PRDM16: variants seen among roughly 807,000 people sequenced by gnomAD.
PRDM16 encodes histone-lysine N-methyltransferase PRDM16.
A neutral mutation model predicts 110.6 loss-of-function variants in PRDM16; 23 were observed. The observed-to-expected ratio is 0.21, with a 90% CI of 0.15 to 0.29. PRDM16 has a LOEUF of 0.29. Ranked by LOEUF, PRDM16 falls within the 10% of genes least tolerant of loss-of-function variation. PRDM16 has a pLI of 1.00. For missense variants in PRDM16, 1,615 were observed against 1,794.3 expected (o/e 0.90, Z 1.81); for synonymous variants, 799 against 781.8 (o/e 1.02, Z -0.37).
chr1:3,119,320 G>A lies in PRDM16; in HGVS notation c.37+50024G>A, dbSNP rs78601776. On this transcript the variant is annotated intron_variant, in intron 1 of 16. Transcript: ENST00000270722. ...CTTTGTGCGGCCAGGCGGGTGACCC[G>A]CTGCAGGCTTGGCCCTCTGGGGTCT... Among the ~76,000 whole-genome samples the A allele has an allele frequency of 8.5e-5, 13 of 152,242 alleles. No individual in the cohort carries two copies. In the East Asian group the frequency reaches 2.3e-3, roughly 27 times the overall value.
At chr1:3,215,367 G>A (rs1292889758) in intron 2 of PRDM16, among the ~76,000 whole-genome samples, 1 of 152,220 alleles carries the variant, frequency 6.6e-6, no homozygotes, top group African/African-American at 2.4e-5. Context: ...AAGGCCCACG[G>A]GGTCCAGGAG....
At chr1:3,161,643 G>A (rs1643897406) in intron 1 of PRDM16, among the ~76,000 whole-genome samples, 2 of 152,236 alleles carry the variant, frequency 1.3e-5, no homozygotes, top group Non-Finnish European at 2.9e-5. Flanking sequence ...TCCCCTGCCC[G>A]CCCGGCGCGG....
At position 3,337,938 on chromosome 1, in the gene PRDM16, G is replaced by A. The variant is rs551841180; in HGVS notation, c.439-47214G>A. Among the ~76,000 whole-genome samples, 9 of 152,250 alleles carry A rather than the reference G, an allele frequency of 5.9e-5. No homozygotes were observed. The South Asian group carries it at 6.2e-4, about 11-fold the overall frequency. ...CACATAGATATGCACACAGACACAT[G>A]TACACACATATGCCCACACACTGGC... On this transcript the variant is annotated intron_variant, in intron 3 of 16. Transcript: ENST00000270722.
intron 1 of PRDM16, among the ~76,000 whole-genome samples, chr1:3,071,854 G>A (rs1024557786): frequency 1.3e-5 from 2 of 152,222 alleles, no homozygotes; most frequent in Admixed American, 1.3e-4. Context: ...GGCCACCGCC[G>A]AGTGTGCATC....
chr1:3,116,261 T>C (rs1642956928), intron 1 of PRDM16, among the ~76,000 whole-genome samples: 2 of 151,964 alleles, frequency 1.3e-5, no homozygotes, highest in South Asian at 4.2e-4. Context: ...GTCCCTCTCA[T>C]GGGGGGACAG....
At chr1:3,393,291 C>G (rs960420600) in intron 4 of PRDM16, among the ~76,000 whole-genome samples, 2 of 152,250 alleles carry the variant, frequency 1.3e-5, no homozygotes, top group African/African-American at 4.8e-5. Flanking sequence ...TACTGTTCTT[C>G]TTCCTTTCCG....
chr1:3,094,121 G>A (rs1642337386), intron 1 of PRDM16, among the ~76,000 whole-genome samples: 1 of 152,220 alleles, frequency 6.6e-6, no homozygotes, highest in Non-Finnish European at 1.5e-5. Context: ...ACAAACACCT[G>A]AGTGTGCAGG....
At chr1:3,429,332 G>C (rs567946226) in intron 14 of PRDM16, among the ~76,000 whole-genome samples, 35 of 152,216 alleles carry the variant, frequency 2.3e-4, no homozygotes, top group Non-Finnish European at 2.8e-4. Flanking sequence ...CGGATGCTCC[G>C]CTCCCCAACA....
At chr1:3,341,632 G>A (rs542268166) in intron 3 of PRDM16, among the ~76,000 whole-genome samples, 17 of 152,342 alleles carry the variant, frequency 1.1e-4, no homozygotes, top group South Asian at 8.3e-4. Flanking sequence ...TTGGCTTTAC[G>A]ACGGTGGAGA....
chr1:3,291,780 G>A (rs1213672074), intron 3 of PRDM16, among the ~76,000 whole-genome samples: 3 of 152,362 alleles, frequency 2.0e-5, no homozygotes, highest in Admixed American at 6.5e-5. Context: ...GTAAATGCCC[G>A]GCAAGAGAGC....
intron 3 of PRDM16, among the ~76,000 whole-genome samples, chr1:3,303,456 C>A (rs926506593): frequency 6.6e-6 from 1 of 152,204 alleles, no homozygotes; most frequent in Non-Finnish European, 1.5e-5. Flanking sequence ...CATTTTCTGT[C>A]TGCGTCCAAA....
chr1:3,379,222 C>T (rs1183753595), intron 3 of PRDM16, among the ~76,000 whole-genome samples: 2 of 90,972 alleles, frequency 2.2e-5, no homozygotes, highest in Non-Finnish European at 4.5e-5. Context: ...CCCAGCACAC[C>T]CCTCCCAACA....
intron 4 of PRDM16, among the ~76,000 whole-genome samples, chr1:3,388,477 T>C (rs962055516): frequency 4.6e-5 from 7 of 152,216 alleles, no homozygotes; most frequent in Non-Finnish European, 7.3e-5. Flanking sequence ...CACCATCATT[T>C]TGAGGTTCAA....
At chr1:3,151,410 G>A (rs1643773550) in intron 1 of PRDM16, among the ~76,000 whole-genome samples, 1 of 152,236 alleles carries the variant, frequency 6.6e-6, no homozygotes, top group Admixed American at 6.5e-5. Flanking sequence ...AGGGAAAGTG[G>A]CTGTGGGGTC....
chr1:3,436,512 G>A lies in PRDM16; in HGVS notation c.*2701G>A, dbSNP rs886220137. On this transcript the variant is annotated 3_prime_UTR_variant, in exon 17 of 17. Coordinates refer to ENST00000270722, the MANE Select transcript of PRDM16 (RefSeq NM_022114.4). Reference sequence around the variant, plus strand: ...AGACCCCCAGGCCCCAGCACTTGGCGTTTTCAGGAGGCCCTGTTCTTAGAG... The same window carrying A: ...AGACCCCCAGGCCCCAGCACTTGGCATTTTCAGGAGGCCCTGTTCTTAGAG... The A allele has an allele frequency of 4.3e-5, 10 of 230,888 alleles. No individual in the cohort carries two copies. Among genetic ancestry groups the A allele is most frequent in the East Asian group, 3.1e-4 (5 of 16,338 alleles). The allele number at this position is 230,888 out of a possible 1,614,324, so 14.3% of individuals were successfully genotyped here. A position where few individuals can be genotyped will look rare whatever the true frequency, so the allele number is the denominator to read the frequency against.
At chr1:3,227,753 G>A (rs1337551285) in intron 2 of PRDM16, among the ~76,000 whole-genome samples, 1 of 150,112 alleles carries the variant, frequency 6.7e-6, no homozygotes, top group Non-Finnish European at 1.5e-5. Context: ...TCAAATATCA[G>A]AAGAAAGAGG....
At chr1:3,300,640 A>C (rs2100388177) in intron 3 of PRDM16, among the ~76,000 whole-genome samples, 1 of 152,324 alleles carries the variant, frequency 6.6e-6, no homozygotes, top group South Asian at 2.1e-4. Flanking sequence ...TGTGCCAGGG[A>C]AAATGGATTC....
chr1:3,431,221 T>C (rs898169363), intron 15 of PRDM16, 113 bp downstream of exon 15: 4 of 1,452,866 alleles, frequency 2.8e-6, no homozygotes, highest in Admixed American at 4.3e-5. Context: ...CAGCCCCTAC[T>C]CCAGCACAGC....
chr1:3,391,571 C>T (rs1643300782), intron 4 of PRDM16, among the ~76,000 whole-genome samples: 1 of 152,200 alleles, frequency 6.6e-6, no homozygotes, highest in Non-Finnish European at 1.5e-5. Context: ...GATAAGTGTG[C>T]ACAGAGTTTT....
Sources: allele counts gnomAD v4.1 joint callset (sites outside exome capture counted in the v4.1 genomes callset), GRCh38; gene constraint gnomAD v4.1.1; transcripts MANE v1.5; gene names NCBI Gene and HGNC (gene_info 2026-07-23, HGNC 2026-07-21).